IDH2: variants seen among roughly 807,000 people sequenced by gnomAD.
IDH2 encodes the protein isocitrate dehydrogenase (NADP(+)) 2, also known as isocitrate dehydrogenase [NADP], mitochondrial.
IDH2 carries 18 observed loss-of-function variants against 50.5 expected under a neutral mutation model. The observed-to-expected ratio is 0.36, with a 90% CI of 0.25 to 0.53. IDH2 has a LOEUF of 0.53. Ranked by LOEUF, IDH2 falls within the 20% of genes least tolerant of loss-of-function variation. IDH2 has a pLI of 0.92. For synonymous variants in IDH2, 280 were observed against 239.8 expected (o/e 1.17, Z -1.55); for missense variants, 518 against 610.7 (o/e 0.85, Z 1.60).
chr15:90,088,833 G>A (rs973826905), intron 3 of IDH2, 86 bp from the exon 4 acceptor site: 5 of 1,462,010 alleles, frequency 3.4e-6, no homozygotes, highest in Admixed American at 1.7e-5. Flanking sequence ...ACAGCCAGAC[G>A]GGGGTCCTAA....
Position 90,087,557 on chromosome 15 carries a change from G to A in IDH2, c.697C>T (p.His233Tyr). The change falls in exon 6 of 11, where the codon CAC (histidine) becomes TAC (tyrosine). Residue 233 changes from histidine (H) to tyrosine (Y), a missense_variant. His to Tyr is a moderately conservative substitution (Grantham distance 83, BLOSUM62 2). Transcript: ENST00000330062. ...TGGATGGCATACTGGAAGCAGCTGT[G>A]CGCAAAACCTGAGATGGACTGCAGG... ...NTDESISGFA[H>Y]SCFQYAIQKK... 6.2e-7 allele frequency: 1 copy of A among 1,613,690 alleles called. No homozygotes were observed.
chr15:90,102,002 C>T (rs1901345617), intron 1 of IDH2, among the ~76,000 whole-genome samples: 1 of 151,914 alleles, frequency 6.6e-6, no homozygotes, highest in Non-Finnish European at 1.5e-5. Flanking sequence ...CCTAGGGGCG[C>T]GCGGCAGCCC....
rs1363662099 is a variant in IDH2 at position 90,090,570 on chromosome 15, G to T, written c.282C>A (p.Asp94Glu). 1 of 1,614,002 alleles carries T rather than the reference G, an allele frequency of 6.2e-7. No homozygotes were observed. The highest frequency in any genetic ancestry group is 8.5e-7 in the Non-Finnish European group (1 of 1,179,980). Reference protein sequence around the residue: ...LGLPNRDQTDDQVTIDSALAT... With the variant: ...LGLPNRDQTDEQVTIDSALAT... Reference sequence around the variant, plus strand: ...CCAGTGCAGAGTCAATGGTGACCTGGTCATCAGTCTGGTCACGGTTTGGGA... The same window carrying T: ...CCAGTGCAGAGTCAATGGTGACCTGTTCATCAGTCTGGTCACGGTTTGGGA... Residue 94 changes from aspartate (D) to glutamate (E), a missense_variant, in exon 3 of 11, where the codon GAC becomes GAA. Asp to Glu is a conservative substitution (Grantham distance 45). Around this residue, in one of 5 missense-constraint regions of IDH2, gnomAD observed 68 missense variants for 109.7 expected, o/e 0.62. Coordinates refer to ENST00000330062, the MANE Select transcript of IDH2 (RefSeq NM_002168.4).
At chr15:90,087,830 A>C (rs1235127915) in intron 5 of IDH2, among the ~76,000 whole-genome samples, 2 of 129,486 alleles carry the variant, frequency 1.5e-5, no homozygotes, top group African/African-American at 6.6e-5. Flanking sequence ...TTTTGGAAAC[A>C]ACTTTTTTTT....
intron 3 of IDH2, among the ~76,000 whole-genome samples, chr15:90,090,208 G>A (rs528463113): frequency 6.6e-6 from 1 of 152,292 alleles, no homozygotes; most frequent in South Asian, 2.1e-4. Flanking sequence ...CAGCTCTGCT[G>A]TGCCCTAACC....
rs1278887760 is a variant in IDH2, at chr15:90,087,155, G to A, written c.924C>T (p.Cys308=). Residue 308 remains cysteine (C), a synonymous_variant, in exon 7 of 11, where the codon TGC becomes TGT. Coordinates refer to ENST00000330062, the MANE Select transcript of IDH2 (RefSeq NM_002168.4). ...LKSSGGFVWA[C]KNYDGDVQSD... is the part of the protein sequence containing the mutation. ...ACTGCACATCTCCGTCATAGTTCTT[G>A]CAGGCCCACACAAAGCCACCCGAAG... 3 of 1,614,192 alleles carry A rather than the reference G, an allele frequency of 1.9e-6. No individual in the cohort carries two copies.
intron 7 of IDH2, 134 bp downstream of exon 7, chr15:90,086,978 C>A (rs1900875458): frequency 2.2e-6 from 2 of 920,606 alleles, no homozygotes; most frequent in South Asian, 2.7e-5. Flanking sequence ...GAGCTCCTGC[C>A]CCCTGCTGTC....
At chr15:90,086,637 G>A (rs1415447234) in intron 7 of IDH2, among the ~76,000 whole-genome samples, 1 of 152,068 alleles carries the variant, frequency 6.6e-6, no homozygotes, top group Non-Finnish European at 1.5e-5. Flanking sequence ...TCAAACTCCT[G>A]ACCTCATCAC....
At chr15:90,087,373 G>A (rs2151548316) in intron 6 of IDH2, 66 bp downstream of exon 6, 4 of 1,610,746 alleles carry the variant, frequency 2.5e-6, no homozygotes, top group Non-Finnish European at 3.4e-6. Context: ...GACCTTCCCA[G>A]GGTAGGATGG....
In IDH2 at chr15:90,102,402, G is replaced by A. The variant is rs1310916943; in HGVS notation, c.-12C>T. ...AGGTAGCCGGCCATCCCAAGCTGGAGAGCGAACGAGCAGGGCGGGAGAGGT... is the reference window on the plus strand; with the variant it reads ...AGGTAGCCGGCCATCCCAAGCTGGAAAGCGAACGAGCAGGGCGGGAGAGGT... On this transcript the variant is annotated 5_prime_UTR_variant, in exon 1 of 11. Transcript: ENST00000330062. 6.1e-6 allele frequency: 8 copies of A among 1,319,332 alleles called. No homozygotes were observed. Among genetic ancestry groups the A allele is most frequent in the Non-Finnish European group, 7.8e-6 (8 of 1,020,256 alleles). The allele number at this position is 1,319,332 out of a possible 1,614,324, so 81.7% of individuals were successfully genotyped here. A position where few individuals can be genotyped will look rare whatever the true frequency, so the allele number is the denominator to read the frequency against.
rs2151546094 is a variant in IDH2 at position 90,084,211 on chromosome 15, G to A, written c.*55C>T. ...GGCTCACCCTCTGCCGCGCTCAGGAGGACCCGCCGGCTCAGCCCTGGCCCC... is the reference window on the plus strand; with the variant it reads ...GGCTCACCCTCTGCCGCGCTCAGGAAGACCCGCCGGCTCAGCCCTGGCCCC... On this transcript the variant is annotated 3_prime_UTR_variant, in exon 11 of 11. Coordinates refer to ENST00000330062, the MANE Select transcript of IDH2 (RefSeq NM_002168.4). This position sits in a 1 kb window ranked among gnomAD's most constrained non-coding sequence, Gnocchi z 5.0. 1 of 1,487,166 alleles carries A rather than the reference G, an allele frequency of 6.7e-7. No homozygotes were observed. The highest frequency in any genetic ancestry group is 9.3e-7 in the Non-Finnish European group (1 of 1,072,454). 92.1% of individuals were successfully genotyped at this position (1,487,166 alleles called of 1,614,324 possible).
intron 1 of IDH2, among the ~76,000 whole-genome samples, chr15:90,097,364 G>GA (rs1276896028): frequency 6.6e-6 from 1 of 152,030 alleles, no homozygotes; most frequent in Non-Finnish European, 1.5e-5. Flanking sequence ...GTATGTATAG[G>GA]AAAAAAACAT....
At chr15:90,092,687 G>A (rs983538135) in intron 1 of IDH2, among the ~76,000 whole-genome samples, 3 of 151,578 alleles carry the variant, frequency 2.0e-5, no homozygotes, top group African/African-American at 7.3e-5. Context: ...AGTGATTCTC[G>A]GGCCTCAGCC....
chr15:90,090,468 C>T lies in IDH2; in HGVS notation c.373+11G>A, dbSNP rs897285957. On this transcript the variant is annotated intron_variant, in intron 3 of 10. Coordinates refer to ENST00000330062, the MANE Select transcript of IDH2 (RefSeq NM_002168.4). Reference sequence around the variant, plus strand: ...ACCCTCCCTGGCCCGCCCACCTCCACACCCTCGCACCTTCCACACGGGCCT... The same window carrying T: ...ACCCTCCCTGGCCCGCCCACCTCCATACCCTCGCACCTTCCACACGGGCCT... The T allele has an allele frequency of 1.1e-5, 17 of 1,612,514 alleles. No individual in the cohort carries two copies. The highest frequency in any genetic ancestry group is 8.0e-5 in the African/African-American group (6 of 74,884).
intron 1 of IDH2, among the ~76,000 whole-genome samples, chr15:90,101,953 T>C (rs1200207789): frequency 6.6e-6 from 1 of 151,754 alleles, no homozygotes; most frequent in Admixed American, 6.6e-5. Flanking sequence ...CAGGCCACCC[T>C]TCGGGTCCGG....
intron 5 of IDH2, among the ~76,000 whole-genome samples, chr15:90,088,130 TCTCA>T (rs1267966190): frequency 6.6e-6 from 1 of 152,028 alleles, no homozygotes; most frequent in African/African-American, 2.4e-5. Flanking sequence ...AGAGATGGGG[TCTCA>T]CTGTTGCCCA....
intron 3 of IDH2, among the ~76,000 whole-genome samples, chr15:90,089,023 T>G (rs941332453): frequency 6.6e-6 from 1 of 150,922 alleles, no homozygotes; most frequent in Admixed American, 6.6e-5. Context: ...CAAGCGGTTC[T>G]CCTGCCTCAG....
intron 3 of IDH2, among the ~76,000 whole-genome samples, chr15:90,090,026 C>G (rs910974715): frequency 6.6e-6 from 1 of 152,236 alleles, no homozygotes; most frequent in East Asian, 1.9e-4. Flanking sequence ...AGACTGTCCA[C>G]GCCAGAATGG....
rs373924519 is a variant in IDH2 at position 90,100,778 on chromosome 15, A to G, written c.115+1498T>C. On this transcript the variant is annotated intron_variant, in intron 1 of 10. Transcript: ENST00000330062. This position sits in a 1 kb window ranked among gnomAD's most constrained non-coding sequence, Gnocchi z 4.1. ...GGCAGAGTCGCAACTGTAGAGTCTG[A>G]TGTCCAACTCCAACACCAAGCAATT... 7 of 338,062 alleles carry G rather than the reference A, an allele frequency of 2.1e-5. No homozygotes were observed. The highest frequency in any genetic ancestry group is 1.3e-4 in the African/African-American group (6 of 44,858). 20.9% of individuals were successfully genotyped at this position (338,062 alleles called of 1,614,324 possible).
Sources: allele counts gnomAD v4.1 joint callset (sites outside exome capture counted in the v4.1 genomes callset), GRCh38; gene constraint gnomAD v4.1.1; regional missense constraint gnomAD v4.1.1; non-coding constraint Gnocchi (gnomAD v3.1); transcripts MANE v1.5; gene names NCBI Gene and HGNC (gene_info 2026-07-23, HGNC 2026-07-21).